The following SHISA6 variants were observed in gnomAD, a reference collection of about 807,000 sequenced individuals.
SHISA6 encodes shisa family member 6, also known as protein shisa-6.
SHISA6 carries 22 observed loss-of-function variants against 47.9 expected under a neutral mutation model. The observed-to-expected ratio is 0.46, with a 90% confidence interval of 0.33 to 0.66. The LOEUF (loss-of-function observed/expected upper bound fraction) is 0.66, where lower values mean the gene tolerates loss of function less well. Among genes scored for constraint, SHISA6 ranks in the 30% least tolerant of loss-of-function variants. The pLI is 0.02. For synonymous variants in SHISA6, 388 were observed against 337.8 expected (o/e 1.15, Z -1.63); for missense variants, 680 against 764.6 (o/e 0.89, Z 1.30).
chr17:11,450,041 C>G (rs184624471), intron 3 of SHISA6, among the ~76,000 whole-genome samples: 3 of 152,156 alleles, frequency 2.0e-5, no homozygotes, highest in African/African-American at 7.2e-5. Context: ...TCCGCCACCA[C>G]GCCTGGTTAA....
intron 3 of SHISA6, among the ~76,000 whole-genome samples, chr17:11,496,235 C>G (rs2071407831): frequency 6.6e-6 from 1 of 152,206 alleles, no homozygotes; most frequent in African/African-American, 2.4e-5. Context: ...CATTCTCTCA[C>G]ATGGTTTTCC....
chr17:11,483,726 G>A (rs1355752989), intron 3 of SHISA6, among the ~76,000 whole-genome samples: 1 of 152,200 alleles, frequency 6.6e-6, no homozygotes, highest in African/African-American at 2.4e-5. Flanking sequence ...GGGAGGCCAA[G>A]GTGGGAGGAT....
At chr17:11,546,571 A>T (rs750778716) in intron 3 of SHISA6, among the ~76,000 whole-genome samples, 6 of 152,238 alleles carry the variant, frequency 3.9e-5, no homozygotes, top group Non-Finnish European at 5.9e-5. Context: ...GGAAGCTGGG[A>T]TGGCAATATA....
intron 2 of SHISA6, 54 bp from the exon 3 acceptor site, chr17:11,379,360 C>G: frequency 7.6e-7 from 1 of 1,308,864 alleles, no homozygotes; most frequent in South Asian, 1.4e-5. Flanking sequence ...CTGCGCTTGT[C>G]TTCCATGTTG....
At chr17:11,527,816 A>T (rs1243851149) in intron 3 of SHISA6, among the ~76,000 whole-genome samples, 1 of 152,204 alleles carries the variant, frequency 6.6e-6, no homozygotes, top group Non-Finnish European at 1.5e-5. Context: ...ACACAAAAAA[A>T]ATTGTCAACT....
intron 3 of SHISA6, among the ~76,000 whole-genome samples, chr17:11,429,964 A>G (rs1914706063): frequency 1.3e-5 from 2 of 152,128 alleles, no homozygotes; most frequent in East Asian, 1.9e-4. Context: ...ACAATCAGGT[A>G]TTTGAATTGG....
intron 3 of SHISA6, among the ~76,000 whole-genome samples, chr17:11,407,535 G>C (rs1233238083): frequency 6.6e-6 from 1 of 151,494 alleles, no homozygotes; most frequent in African/African-American, 2.4e-5. Flanking sequence ...TACACACATA[G>C]AGCCATACCC....
chr17:11,475,118 A>C (rs1513745), intron 3 of SHISA6, among the ~76,000 whole-genome samples: 41,190 of 152,018 alleles, frequency 0.27, 5,630 homozygotes, highest in Admixed American at 0.31. Flanking sequence ...GTTCATTGAC[A>C]TTTGTATATT....
chr17:11,449,380 T>C (rs922996688), intron 3 of SHISA6, among the ~76,000 whole-genome samples: 1 of 151,812 alleles, frequency 6.6e-6, no homozygotes, highest in Admixed American at 6.6e-5. Flanking sequence ...GAAGCGGAGG[T>C]TGCACTGAGC....
At chr17:11,531,766 C>T (rs543636365) in intron 3 of SHISA6, among the ~76,000 whole-genome samples, 29 of 152,324 alleles carry the variant, frequency 1.9e-4, no homozygotes, top group Non-Finnish European at 1.6e-4. Context: ...TAGTGATCCA[C>T]TGCACAGAAT....
intron 2 of SHISA6, among the ~76,000 whole-genome samples, chr17:11,302,838 G>A (rs1899755134): frequency 2.0e-5 from 3 of 151,888 alleles, no homozygotes; most frequent in African/African-American, 7.3e-5. Flanking sequence ...ATATGGGGGT[G>A]GGGGAAAAAG....
At chr17:11,274,565 T>G (rs1908807243) in intron 2 of SHISA6, among the ~76,000 whole-genome samples, 1 of 152,140 alleles carries the variant, frequency 6.6e-6, no homozygotes, top group African/African-American at 2.4e-5. Context: ...CTGAGTGGCC[T>G]TTAGCGGTCT....
chr17:11,328,952 T>C (rs978702227), intron 2 of SHISA6, among the ~76,000 whole-genome samples: 2 of 152,186 alleles, frequency 1.3e-5, no homozygotes, highest in Non-Finnish European at 2.9e-5. Flanking sequence ...CATGCTTGAA[T>C]GTGCTTCTGC....
At chr17:11,507,945 GGTC>G (rs1414257107) in intron 3 of SHISA6, among the ~76,000 whole-genome samples, 2 of 152,180 alleles carry the variant, frequency 1.3e-5, no homozygotes, top group African/African-American at 4.8e-5. Context: ...GGAGACATGA[GGTC>G]AAAGGGAGTG....
intron 2 of SHISA6, among the ~76,000 whole-genome samples, chr17:11,344,549 C>T (rs193187145): frequency 6.6e-6 from 1 of 152,142 alleles, no homozygotes; most frequent in East Asian, 1.9e-4. Flanking sequence ...AGTGTTTTGT[C>T]TCTTATTGTC....
intron 2 of SHISA6, among the ~76,000 whole-genome samples, chr17:11,272,420 C>T (rs1005298378): frequency 4.6e-5 from 7 of 152,160 alleles, no homozygotes; most frequent in Admixed American, 2.0e-4. Flanking sequence ...TGGGCTCCTC[C>T]GTCCTTGCAG....
In SHISA6 at chr17:11,419,925, T is replaced by G. The variant is rs567563505; in HGVS notation, c.895+40416T>G. 3.3e-5 allele frequency among the ~76,000 whole-genome samples: 5 copies of G among 152,292 alleles called. No individual in the cohort carries two copies. The East Asian group carries it at 7.7e-4, about 24-fold the overall frequency. The stretch of plus-strand genomic sequence containing the variant: ...GTGAAATAGAAGAAGTACAAGGGGC[T>G]GGGTGCGGTGGCCCACACCTGTAAT... On this transcript the variant is annotated intron_variant, in intron 3 of 5. Coordinates refer to ENST00000441885, the MANE Select transcript of SHISA6 (RefSeq NM_207386.4).
intron 2 of SHISA6, among the ~76,000 whole-genome samples, chr17:11,301,577 C>T (rs938949929): frequency 4.6e-5 from 7 of 152,192 alleles, no homozygotes; most frequent in Non-Finnish European, 8.8e-5. Flanking sequence ...CTCTTCCAGG[C>T]GTCCTTCAGT....
intron 3 of SHISA6, among the ~76,000 whole-genome samples, chr17:11,414,406 C>T (rs1401722140): frequency 6.6e-6 from 1 of 152,132 alleles, no homozygotes; most frequent in Admixed American, 6.5e-5. Context: ...CCCAGGCAGC[C>T]CTCAGAATGC....
Sources: allele counts gnomAD v4.1 joint callset (sites outside exome capture counted in the v4.1 genomes callset), GRCh38; gene constraint gnomAD v4.1.1; transcripts MANE v1.5; gene names NCBI Gene and HGNC (gene_info 2026-07-23, HGNC 2026-07-21).